The following ASAP1 variants were observed in gnomAD, a reference collection of about 807,000 sequenced individuals.
The protein encoded by ASAP1 is ArfGAP with SH3 domain, ankyrin repeat and PH domain 1.
ASAP1 carries 43 observed loss-of-function variants against 145.2 expected under a neutral mutation model. That is an observed-to-expected ratio of 0.30 (90% CI 0.23 to 0.38). The LOEUF (loss-of-function observed/expected upper bound fraction) is 0.38, where lower values mean the gene tolerates loss of function less well. Among genes scored for constraint, ASAP1 ranks in the 10% least tolerant of loss-of-function variants. The pLI is 1.00. For synonymous variants in ASAP1, 546 were observed against 515.5 expected, an observed-to-expected ratio of 1.06 and a Z score of -0.80; for missense variants, 1,018 against 1,355.3, an observed-to-expected ratio of 0.75 and a Z score of 3.91.
At chr8:130,396,675 G>T (rs1175787976) in intron 2 of ASAP1, among the ~76,000 whole-genome samples, 3 of 152,148 alleles carry the variant, frequency 2.0e-5, no homozygotes, top group Admixed American at 2.0e-4. Context: ...TCAGCTCCAG[G>T]GACACGTTTC....
intron 1 of ASAP1, chr8:130,427,885 A>G (rs967382945): frequency 2.0e-5 from 3 of 152,192 alleles, no homozygotes; most frequent in Non-Finnish European, 2.9e-5. Flanking sequence ...ACAACTCACA[A>G]ATCTCATCTT....
At chr8:130,310,207 G>T (rs2137531397) in intron 3 of ASAP1, among the ~76,000 whole-genome samples, 1 of 152,104 alleles carries the variant, frequency 6.6e-6, no homozygotes, top group African/African-American at 2.4e-5. Context: ...GAACAAATAT[G>T]AAAGAGCTTT....
chr8:130,057,639 G>A (rs1223498784), intron 29 of ASAP1, among the ~76,000 whole-genome samples: 2 of 152,090 alleles, frequency 1.3e-5, no homozygotes, highest in South Asian at 2.1e-4. Flanking sequence ...TAGTAGACAC[G>A]GGGTTTCACC....
At chr8:130,095,499 C>T (rs903900602) in intron 24 of ASAP1, among the ~76,000 whole-genome samples, 3 of 151,810 alleles carry the variant, frequency 2.0e-5, no homozygotes, top group Non-Finnish European at 4.4e-5. Flanking sequence ...TGGGGTTTTG[C>T]CATGTTGGCC....
chr8:130,351,572 C>T (rs1204247371), intron 3 of ASAP1, among the ~76,000 whole-genome samples: 1 of 152,056 alleles, frequency 6.6e-6, no homozygotes, highest in East Asian at 1.9e-4. Flanking sequence ...CTGCGGATGC[C>T]TCAGGGAGTG....
chr8:130,323,667 T>C (rs1171179768), intron 3 of ASAP1, among the ~76,000 whole-genome samples: 11 of 152,184 alleles, frequency 7.2e-5, no homozygotes, highest in Non-Finnish European at 1.5e-5. Flanking sequence ...CACTCCTCTA[T>C]GGTCCCATAG....
intron 3 of ASAP1, among the ~76,000 whole-genome samples, chr8:130,259,798 T>G (rs1463635963): frequency 6.6e-6 from 1 of 152,186 alleles, no homozygotes; most frequent in Non-Finnish European, 1.5e-5. Flanking sequence ...AGATTTTAAT[T>G]CAATGAACTT....
chr8:130,205,081 A>C (rs1302368571), intron 5 of ASAP1, among the ~76,000 whole-genome samples: 1 of 152,200 alleles, frequency 6.6e-6, no homozygotes, highest in African/African-American at 2.4e-5. Flanking sequence ...TTCCAGTACC[A>C]ATCATTCTTA....
chr8:130,311,231 T>C (rs1174378864), intron 3 of ASAP1, among the ~76,000 whole-genome samples: 5 of 152,228 alleles, frequency 3.3e-5, no homozygotes, highest in Admixed American at 3.3e-4. Flanking sequence ...CATTTTAAAA[T>C]TCTCTTCTCT....
rs761446221 is a variant in ASAP1, at chr8:130,179,272, T to C, written c.738A>G (p.Ala246=). Residue 246 remains alanine (A), a synonymous_variant, in exon 9 of 30, where the codon GCA becomes GCG. Transcript: ENST00000518721. The part of the protein sequence containing the change: ...LLQNLIKYYH[A]QCNFFQDGLK... ...TGCAATATTCTACTCACTTGCACTGTGCATGGTAATACTTTATAAGATTCT... is the reference window on the plus strand; with the variant it reads ...TGCAATATTCTACTCACTTGCACTGCGCATGGTAATACTTTATAAGATTCT... The C allele has an allele frequency of 6.2e-7, 1 of 1,601,012 alleles. No homozygotes were observed. Among genetic ancestry groups the C allele is most frequent in the Non-Finnish European group, 8.6e-7 (1 of 1,168,158 alleles).
chr8:130,249,976 C>T (rs1166649046), intron 3 of ASAP1, among the ~76,000 whole-genome samples: 1 of 152,074 alleles, frequency 6.6e-6, no homozygotes, highest in Non-Finnish European at 1.5e-5. Flanking sequence ...CATTATTCTT[C>T]TCTCTTAGCA....
intron 13 of ASAP1, chr8:130,152,490 T>C (rs2135956131): frequency 6.3e-6 from 2 of 318,366 alleles, no homozygotes; most frequent in East Asian, 4.9e-5. Flanking sequence ...CAAAAGATAA[T>C]ATTATGAAAT....
chr8:130,243,104 G>A (rs1403631702), intron 3 of ASAP1, among the ~76,000 whole-genome samples: 1 of 152,110 alleles, frequency 6.6e-6, no homozygotes. Flanking sequence ...TCCTTAACCA[G>A]CTGCAGGCCT....
intron 3 of ASAP1, among the ~76,000 whole-genome samples, chr8:130,329,221 A>C (rs1824528884): frequency 6.6e-6 from 1 of 152,194 alleles, no homozygotes; most frequent in Non-Finnish European, 1.5e-5. Flanking sequence ...AAGCCACTTA[A>C]CTAAATAAGT....
At chr8:130,419,211 T>A (rs1316880238) in intron 1 of ASAP1, among the ~76,000 whole-genome samples, 1 of 152,230 alleles carries the variant, frequency 6.6e-6, no homozygotes, top group Non-Finnish European at 1.5e-5. Flanking sequence ...CTGCCCAGCA[T>A]CGCTCCTCAT....
At chr8:130,178,280 C>T (rs962663056) in intron 9 of ASAP1, among the ~76,000 whole-genome samples, 2 of 152,270 alleles carry the variant, frequency 1.3e-5, no homozygotes, top group African/African-American at 4.8e-5. Context: ...CTTCCATCAA[C>T]GAATACAGAC....
At chr8:130,236,176 T>C (rs930985087) in intron 4 of ASAP1, among the ~76,000 whole-genome samples, 1 of 152,122 alleles carries the variant, frequency 6.6e-6, no homozygotes, top group African/African-American at 2.4e-5. Flanking sequence ...AGACCACTGA[T>C]TTCCTAGAGA....
intron 1 of ASAP1, among the ~76,000 whole-genome samples, chr8:130,438,296 G>A (rs1346172363): frequency 6.6e-6 from 1 of 152,112 alleles, no homozygotes; most frequent in Non-Finnish European, 1.5e-5. Context: ...CAGAAGATGG[G>A]GCCACCAGTG....
chr8:130,322,385 C>G (rs1384873389), intron 3 of ASAP1, among the ~76,000 whole-genome samples: 2 of 152,078 alleles, frequency 1.3e-5, no homozygotes, highest in African/African-American at 4.8e-5. Context: ...TTACTGCAAT[C>G]TGCTGAAATC....
Sources: allele counts gnomAD v4.1 joint callset (sites outside exome capture counted in the v4.1 genomes callset), GRCh38; gene constraint gnomAD v4.1.1; transcripts MANE v1.5; gene names NCBI Gene and HGNC (gene_info 2026-07-23, HGNC 2026-07-21).